Variants in GNG12 observed in about 807,000 individuals in gnomAD.
GNG12 encodes G protein subunit gamma 12, also known as guanine nucleotide-binding protein G(I)/G(S)/G(O) subunit gamma-12.
For missense variants in GNG12, 69 were observed against 83.8 expected (o/e 0.82, Z 0.69); for synonymous variants, 28 against 29.7 (o/e 0.94, Z 0.19).
intron 1 of GNG12, among the ~76,000 whole-genome samples, chr1:67,784,225 C>G (rs1288460977): frequency 1.4e-5 from 2 of 147,952 alleles, no homozygotes; most frequent in Admixed American, 1.4e-4. Flanking sequence ...AACAAAAAAC[C>G]AAACACCACA....
chr1:67,711,968 C>T (rs1386383555), intron 2 of GNG12, among the ~76,000 whole-genome samples: 1 of 152,170 alleles, frequency 6.6e-6, no homozygotes, highest in Admixed American at 6.5e-5. Context: ...GCTGAGTTGC[C>T]ACATGGCTGC....
At chr1:67,832,545 T>C (rs1647053405) in intron 1 of GNG12, 1 of 151,878 alleles carries the variant, frequency 6.6e-6, no homozygotes, top group African/African-American at 2.4e-5. Context: ...TTAATTGATA[T>C]GCCCTAATTA....
intron 1 of GNG12, among the ~76,000 whole-genome samples, chr1:67,829,184 T>A (rs1460976194): frequency 6.6e-6 from 1 of 152,210 alleles, no homozygotes; most frequent in Non-Finnish European, 1.5e-5. Flanking sequence ...TTCTTATGGT[T>A]TAAAAATAAT....
chr1:67,781,519 A>G (rs1206887920), intron 1 of GNG12, among the ~76,000 whole-genome samples: 2 of 152,228 alleles, frequency 1.3e-5, no homozygotes, highest in East Asian at 1.9e-4. Flanking sequence ...AAATAAGTAA[A>G]TAAGATCATT....
At chr1:67,745,161 G>C (rs749180983) in intron 2 of GNG12, among the ~76,000 whole-genome samples, 10 of 152,184 alleles carry the variant, frequency 6.6e-5, no homozygotes, top group Non-Finnish European at 8.8e-5. Context: ...ACTTTCTCTT[G>C]TATGGGTACT....
At chr1:67,824,362 T>A (rs1332572443) in intron 1 of GNG12, among the ~76,000 whole-genome samples, 1 of 151,802 alleles carries the variant, frequency 6.6e-6, no homozygotes, top group African/African-American at 2.4e-5. Flanking sequence ...ACACAAAAGT[T>A]TGCCAGGTGT....
At chr1:67,714,321 A>T (rs569615432) in intron 2 of GNG12, among the ~76,000 whole-genome samples, 2 of 152,192 alleles carry the variant, frequency 1.3e-5, no homozygotes, top group Non-Finnish European at 2.9e-5. Context: ...ATTTAGTTCC[A>T]GGGACACATT....
intron 2 of GNG12, among the ~76,000 whole-genome samples, chr1:67,731,513 G>A (rs552795391): frequency 6.6e-6 from 1 of 152,330 alleles, no homozygotes; most frequent in South Asian, 2.1e-4. Context: ...AGGATCTGGA[G>A]CTAGAAGGAA....
chr1:67,799,190 G>A (rs1646849790), intron 1 of GNG12, among the ~76,000 whole-genome samples: 1 of 152,066 alleles, frequency 6.6e-6, no homozygotes, highest in East Asian at 1.9e-4. Context: ...CGATTGCATG[G>A]GGGTTGTAAC....
At chr1:67,774,272 A>G (rs1483360227) in intron 2 of GNG12, among the ~76,000 whole-genome samples, 1 of 152,154 alleles carries the variant, frequency 6.6e-6, no homozygotes, top group Non-Finnish European at 1.5e-5. Context: ...CCTCTCTCCC[A>G]TGAACTGGGG....
chr1:67,830,002 C>CTTTTTT (rs35214495), intron 1 of GNG12, among the ~76,000 whole-genome samples: 3 of 117,398 alleles, frequency 2.6e-5, no homozygotes, highest in Non-Finnish European at 3.5e-5. Flanking sequence ...AAGATGGAGG[C>CTTTTTT]TTTTTTTTTT....
At chr1:67,791,223 C>T (rs1469944465) in intron 1 of GNG12, among the ~76,000 whole-genome samples, 1 of 152,120 alleles carries the variant, frequency 6.6e-6, no homozygotes, top group Non-Finnish European at 1.5e-5. Flanking sequence ...AAAATTCACA[C>T]TCATTTCTGA....
intron 2 of GNG12, among the ~76,000 whole-genome samples, chr1:67,711,071 T>TC (rs138105325): frequency 0.03 from 4,570 of 152,280 alleles, 196 homozygotes; most frequent in African/African-American, 0.094. Context: ...TCCCTTCTCA[T>TC]CTGCTGGTAC....
chr1:67,795,026 G>C (rs1243571288), intron 1 of GNG12, among the ~76,000 whole-genome samples: 1 of 152,122 alleles, frequency 6.6e-6, no homozygotes, highest in Non-Finnish European at 1.5e-5. Context: ...AAGGACACAG[G>C]GGTACAGGGT....
At chr1:67,710,319 A>T (rs1646288054) in intron 2 of GNG12, among the ~76,000 whole-genome samples, 1 of 147,296 alleles carries the variant, frequency 6.8e-6, no homozygotes, top group South Asian at 2.1e-4. Context: ...TGAGGCCCCC[A>T]GAATGCGAAC....
chr1:67,816,713 G>A (rs1048487317), intron 1 of GNG12, among the ~76,000 whole-genome samples: 1 of 152,124 alleles, frequency 6.6e-6, no homozygotes, highest in Non-Finnish European at 1.5e-5. Context: ...GTACTCAGCC[G>A]TCCTCCCAGG....
At position 67,703,700 on chromosome 1, in the gene GNG12, C is replaced by A. The variant is rs574945643; in HGVS notation, c.*1751G>T. 8 of 152,332 alleles carry A rather than the reference C, an allele frequency of 5.3e-5. No homozygotes were observed. The South Asian group carries it at 1.7e-3, about 32-fold the overall frequency. 9.4% of individuals were successfully genotyped at this position (152,332 alleles called of 1,614,324 possible). On this transcript the variant is annotated 3_prime_UTR_variant, in exon 4 of 4. Transcript: ENST00000370982. ...GCTAAGGGCAGTGCCGTGATTTTCA[C>A]ATGGCCTTAGAAAAGCGAGGGGCAT...
rs1646230830 is a variant in GNG12, at chr1:67,704,114, T to G, written c.*1337A>C. 1 of 152,214 alleles carries G rather than the reference T, an allele frequency of 6.6e-6. No homozygotes were observed. Among genetic ancestry groups the G allele is most frequent in the African/African-American group, 2.4e-5 (1 of 41,450 alleles). The allele number at this position is 152,214 out of a possible 1,614,324, so 9.4% of individuals were successfully genotyped here. ...TGGGGCTACCCCCATACCTGGAAAT[T>G]CCAAGAGTGTGAGGGCTATATTTGG... On this transcript the variant is annotated 3_prime_UTR_variant, in exon 4 of 4. Transcript: ENST00000370982.
chr1:67,702,974 G>A lies in GNG12; in HGVS notation c.*2477C>T, dbSNP rs1251967209. On this transcript the variant is annotated 3_prime_UTR_variant, in exon 4 of 4. Transcript: ENST00000370982. ...TCATTAACATAAACCAACTGTTGCA[G>A]ACAGTTAAACTGTGGCTTTGTAAGG... is the stretch of plus-strand genomic sequence containing the variant. The A allele has an allele frequency of 6.6e-6, 1 of 152,182 alleles. No homozygotes were observed. Among genetic ancestry groups the A allele is most frequent in the Non-Finnish European group, 1.5e-5 (1 of 68,018 alleles). The allele number at this position is 152,182 out of a possible 1,614,324, so 9.4% of individuals were successfully genotyped here. A position where few individuals can be genotyped will look rare whatever the true frequency, so the allele number is the denominator to read the frequency against.
Sources: allele counts gnomAD v4.1 joint callset (sites outside exome capture counted in the v4.1 genomes callset), GRCh38; gene constraint gnomAD v4.1.1; transcripts MANE v1.5; gene names NCBI Gene and HGNC (gene_info 2026-07-23, HGNC 2026-07-21).